ARFGEF1: variants seen among roughly 807,000 people sequenced by gnomAD.
ARFGEF1 encodes ARF guanine nucleotide exchange factor 1.
In ARFGEF1, 42 loss-of-function variants were observed where a neutral mutation model predicts 231.0. That is an observed-to-expected ratio of 0.18 (90% CI 0.14 to 0.24). The LOEUF is 0.24. Ranked by LOEUF, ARFGEF1 falls within the 10% of genes least tolerant of loss-of-function variation. ARFGEF1 has a pLI of 1.00. For synonymous variants in ARFGEF1, 710 were observed against 732.3 expected (o/e 0.97, Z 0.49); for missense variants, 1,345 against 2,192.0 (o/e 0.61, Z 7.72).
At position 67,301,178 on chromosome 8, in the gene ARFGEF1, C is replaced by T. The variant is rs371940005; in HGVS notation, c.312+46G>A. 5.4e-4 allele frequency: 797 copies of T among 1,471,092 alleles called. 1 individual carries two copies. The highest frequency in any genetic ancestry group is 1.0e-3 in the Admixed American group (44 of 43,614). The allele number at this position is 1,471,092 out of a possible 1,614,324, so 91.1% of individuals were successfully genotyped here. On this transcript the variant is annotated intron_variant, in intron 3 of 38. Coordinates refer to ENST00000262215, the MANE Select transcript of ARFGEF1 (RefSeq NM_006421.5). The stretch of plus-strand genomic sequence containing the variant: ...ATCAATGTGAGTAATGTTTTAGAAA[C>T]ACATTCAAAGTACACAGTTTTTAGA...
At chr8:67,296,148 A>G (rs1385437471) in intron 5 of ARFGEF1, among the ~76,000 whole-genome samples, 1 of 152,232 alleles carries the variant, frequency 6.6e-6, no homozygotes, top group Non-Finnish European at 1.5e-5. Flanking sequence ...TTTGAATGCA[A>G]TAAAAGTATT....
At chr8:67,216,414 C>A (rs1838934514) in intron 33 of ARFGEF1, among the ~76,000 whole-genome samples, 176 bp downstream of exon 33, 1 of 151,944 alleles carries the variant, frequency 6.6e-6, no homozygotes, top group Non-Finnish European at 1.5e-5. Context: ...CTTGATCATA[C>A]AATTCCCAGC....
At chr8:67,263,969 C>T (rs148662203) in intron 14 of ARFGEF1, among the ~76,000 whole-genome samples, 9 of 151,988 alleles carry the variant, frequency 5.9e-5, no homozygotes, top group African/African-American at 1.9e-4. Context: ...TACTAAAACA[C>T]AAAAGCACAA....
chr8:67,313,058 T>C (rs1807145250), intron 1 of ARFGEF1, among the ~76,000 whole-genome samples: 1 of 152,192 alleles, frequency 6.6e-6, no homozygotes, highest in Non-Finnish European at 1.5e-5. Flanking sequence ...TATGCCCTTA[T>C]ATACAAATAT....
chr8:67,322,930 C>T (rs7012901), intron 1 of ARFGEF1, among the ~76,000 whole-genome samples: 15,285 of 152,136 alleles, frequency 0.1, 953 homozygotes, highest in African/African-American at 0.18. Context: ...AGAATAAAAT[C>T]GGGAACAAAT....
chr8:67,192,357 G>A (rs926528243), intron 5 of ARFGEF1, among the ~76,000 whole-genome samples: 1 of 152,174 alleles, frequency 6.6e-6, no homozygotes, highest in Non-Finnish European at 1.5e-5. Flanking sequence ...TTACAGGCAT[G>A]AGCCACCGCG....
At position 67,287,943 on chromosome 8, in the gene ARFGEF1, G is replaced by C; in HGVS notation, c.1027+12C>G. 1 of 1,528,438 alleles carries C rather than the reference G, an allele frequency of 6.5e-7. No homozygotes were observed. 94.7% of individuals were successfully genotyped at this position (1,528,438 alleles called of 1,614,324 possible). On this transcript the variant is annotated intron_variant, in intron 7 of 38. Transcript: ENST00000262215. Reference sequence around the variant, plus strand: ...TAGACAGAGTAAAATAATTTTGAATGAAGTATACTACCTCCAACAACAATG... The same window carrying C: ...TAGACAGAGTAAAATAATTTTGAATCAAGTATACTACCTCCAACAACAATG...
In ARFGEF1 at chr8:67,232,734, A is replaced by G. The variant is rs1839595674; in HGVS notation, c.3380+121T>C. The stretch of plus-strand genomic sequence containing the variant: ...CATCTAAATCACAGCATATCACAAT[A>G]TAATTTTATATTACTTTAGAAAAAT... On this transcript the variant is annotated intron_variant, in intron 23 of 38. Coordinates refer to ENST00000262215, the MANE Select transcript of ARFGEF1 (RefSeq NM_006421.5). 3.9e-6 allele frequency: 3 copies of G among 767,832 alleles called. No homozygotes were observed. In the Admixed American group the frequency reaches 9.2e-5, roughly 24 times the overall value. The allele number at this position is 767,832 out of a possible 1,614,324, so 47.6% of individuals were successfully genotyped here.
intron 23 of ARFGEF1, 84 bp downstream of exon 23, chr8:67,232,768 CAAT>C: frequency 3.1e-6 from 3 of 958,750 alleles, no homozygotes; most frequent in Non-Finnish European, 4.6e-6. Flanking sequence ...ATGATTTTGG[CAAT>C]AATATTTTTC....
intron 19 of ARFGEF1, among the ~76,000 whole-genome samples, chr8:67,242,362 A>T (rs1294398369): frequency 6.6e-6 from 1 of 152,184 alleles, no homozygotes; most frequent in African/African-American, 2.4e-5. Context: ...CATCTCTAAA[A>T]CCAGCTCAGC....
intron 5 of ARFGEF1, chr8:67,190,642 C>A: frequency 1.9e-6 from 3 of 1,607,768 alleles, no homozygotes; most frequent in Non-Finnish European, 2.6e-6. Context: ...TTTTCGGGGT[C>A]CTCTTAGGGG....
intron 3 of ARFGEF1, among the ~76,000 whole-genome samples, chr8:67,300,516 G>A (rs1485906376): frequency 1.3e-5 from 2 of 151,878 alleles, no homozygotes; most frequent in African/African-American, 4.8e-5. Flanking sequence ...TTAACCTATT[G>A]CTTCATATAA....
At chr8:67,231,098 C>A (rs1473643605) in intron 23 of ARFGEF1, among the ~76,000 whole-genome samples, 1 of 152,022 alleles carries the variant, frequency 6.6e-6, no homozygotes, top group Non-Finnish European at 1.5e-5. Context: ...GTACAGAACT[C>A]CCCAGATTGA....
At chr8:67,296,922 G>T (rs12674848) in intron 4 of ARFGEF1, among the ~76,000 whole-genome samples, 34,057 of 152,014 alleles carry the variant, frequency 0.22, 4,497 homozygotes, top group East Asian at 0.38. Context: ...AAAGTGCGGG[G>T]GTTACAGGCA....
At chr8:67,197,350 AG>A (rs1288645237), downstream of ARFGEF1, among the ~76,000 whole-genome samples, 1 of 152,022 alleles carries the variant, frequency 6.6e-6, no homozygotes, top group African/African-American at 2.4e-5. Context: ...ACTACTGGGG[AG>A]GGTGGAGTGT....
rs147627770 is a variant in ARFGEF1 at position 67,200,549 on chromosome 8, G to A, written c.5268-36C>T. 2.3e-4 allele frequency: 289 copies of A among 1,262,212 alleles called. 3 individuals are homozygous for A. In the East Asian group the frequency reaches 2.9e-3, roughly 13 times the overall value. 78.2% of individuals were successfully genotyped at this position (1,262,212 alleles called of 1,614,324 possible). A position where few individuals can be genotyped will look rare whatever the true frequency, so the allele number is the denominator to read the frequency against. On this transcript the variant is annotated intron_variant, in intron 37 of 38. Transcript: ENST00000262215. ...AAAGGTTTCCTTTAATGTTACTTGCGTATCTACTGGTCCCCATATTCACCG... is the reference window on the plus strand; with the variant it reads ...AAAGGTTTCCTTTAATGTTACTTGCATATCTACTGGTCCCCATATTCACCG...
intron 33 of ARFGEF1, among the ~76,000 whole-genome samples, chr8:67,212,119 G>T (rs1013183993): frequency 1.3e-5 from 2 of 152,176 alleles, no homozygotes; most frequent in Admixed American, 1.3e-4. Flanking sequence ...TTTTGCTCTT[G>T]TTGCCCAGGC....
chr8:67,294,581 A>G (rs1322471077), intron 5 of ARFGEF1, among the ~76,000 whole-genome samples: 2 of 152,196 alleles, frequency 1.3e-5, no homozygotes. Flanking sequence ...CAATGTATTT[A>G]GAATACAAAA....
intron 8 of ARFGEF1, among the ~76,000 whole-genome samples, chr8:67,276,716 G>C (rs1805327931): frequency 6.6e-6 from 1 of 152,116 alleles, no homozygotes; most frequent in Non-Finnish European, 1.5e-5. Context: ...ATTTCTAAAA[G>C]TTTTCTCACC....
Sources: allele counts gnomAD v4.1 joint callset (sites outside exome capture counted in the v4.1 genomes callset), GRCh38; gene constraint gnomAD v4.1.1; transcripts MANE v1.5; gene names NCBI Gene and HGNC (gene_info 2026-07-23, HGNC 2026-07-21).